The following PDE6A variants were observed in gnomAD, a reference collection of about 807,000 sequenced individuals.
The protein encoded by PDE6A is rod cGMP-specific 3',5'-cyclic phosphodiesterase subunit alpha.
Under a neutral mutation model 106.3 loss-of-function variants are expected in PDE6A, and 84 were observed. The observed-to-expected ratio is 0.79, with a 90% CI of 0.66 to 0.95. PDE6A has a LOEUF of 0.95. Ranked by LOEUF, PDE6A falls within the 40% of genes least tolerant of loss-of-function variation. The pLI is 0.00. For missense variants in PDE6A, 1,052 were observed against 1,084.9 expected, an observed-to-expected ratio of 0.97 and a Z score of 0.43; for synonymous variants, 394 against 386.6, an observed-to-expected ratio of 1.02 and a Z score of -0.23.
chr5:149,925,710 A>C (rs1356070827), intron 4 of PDE6A, among the ~76,000 whole-genome samples: 1 of 151,268 alleles, frequency 6.6e-6, no homozygotes, highest in Non-Finnish European at 1.5e-5. Flanking sequence ...CTGTCTCAAA[A>C]AAAAAAAAAA....
chr5:149,878,880 T>C (rs1760830951), intron 17 of PDE6A, among the ~76,000 whole-genome samples: 1 of 152,170 alleles, frequency 6.6e-6, no homozygotes, highest in African/African-American at 2.4e-5. Context: ...AATTAGCTCT[T>C]TTTCTCTTAG....
intron 4 of PDE6A, 114 bp from the exon 5 acceptor site, chr5:149,921,823 C>T (rs940630539): frequency 2.7e-5 from 22 of 818,406 alleles, no homozygotes; most frequent in African/African-American, 2.6e-4. Flanking sequence ...GTGAGAAGAA[C>T]TCAGTGAAAC....
intron 13 of PDE6A, among the ~76,000 whole-genome samples, chr5:149,888,999 C>T (rs1478091495): frequency 4.1e-5 from 6 of 146,124 alleles, no homozygotes; most frequent in South Asian, 4.3e-4. Context: ...AGGAGAATGG[C>T]GTGAACCCGG....
At chr5:149,878,820 A>G (rs186687526) in intron 17 of PDE6A, among the ~76,000 whole-genome samples, 40 of 152,200 alleles carry the variant, frequency 2.6e-4, no homozygotes, top group African/African-American at 7.9e-4. Context: ...CCCATTTTCT[A>G]TTGGATTAGT....
chr5:149,923,117 G>T (rs1753767561), intron 4 of PDE6A, among the ~76,000 whole-genome samples: 1 of 152,212 alleles, frequency 6.6e-6, no homozygotes, highest in African/African-American at 2.4e-5. Flanking sequence ...GTGCAGCAGA[G>T]CTCTTTGAAC....
In PDE6A at chr5:149,869,750, T is replaced by C. The variant is rs1390744237; in HGVS notation, c.2136-1592A>G. Reference sequence around the variant, plus strand: ...AAGAAAAGAGCAGGATGGAGGGGGATGGGGTGCTGCAGTAATTCAGCAGGA... The same window carrying C: ...AAGAAAAGAGCAGGATGGAGGGGGACGGGGTGCTGCAGTAATTCAGCAGGA... On this transcript the variant is annotated intron_variant, in intron 17 of 21. Coordinates refer to ENST00000255266, the MANE Select transcript of PDE6A (RefSeq NM_000440.3). 2.0e-5 allele frequency among the ~76,000 whole-genome samples: 3 copies of C among 151,976 alleles called. No homozygotes were observed. In the South Asian group the frequency reaches 6.2e-4, roughly 32 times the overall value.
At chr5:149,922,532 G>A (rs1753753416) in intron 4 of PDE6A, among the ~76,000 whole-genome samples, 3 of 151,850 alleles carry the variant, frequency 2.0e-5, no homozygotes, top group Admixed American at 1.3e-4. Flanking sequence ...GGCTAGTCTC[G>A]AACTCCAGAC....
At chr5:149,930,878 C>T in intron 4 of PDE6A, 150 bp downstream of exon 4, 1 of 764,828 alleles carries the variant, frequency 1.3e-6, no homozygotes, top group Non-Finnish European at 2.3e-6. Context: ...GCTGATACTC[C>T]TCAGTAGAGA....
At chr5:149,932,952 A>AGAG (rs2113659238) in intron 3 of PDE6A, among the ~76,000 whole-genome samples, 1 of 152,348 alleles carries the variant, frequency 6.6e-6, no homozygotes, top group South Asian at 2.1e-4. Context: ...AGTGGCCAGC[A>AGAG]GAGGGCCAGG....
At chr5:149,864,977 CGCCTGT>C (rs1561674613) in intron 20 of PDE6A, among the ~76,000 whole-genome samples, 1 of 152,180 alleles carries the variant, frequency 6.6e-6, no homozygotes, top group African/African-American at 2.4e-5. Context: ...CCATGGCTCA[CGCCTGT>C]AATCCCAGCA....
intron 17 of PDE6A, among the ~76,000 whole-genome samples, chr5:149,874,231 G>C (rs1026383608): frequency 6.6e-6 from 1 of 152,048 alleles, no homozygotes; most frequent in Non-Finnish European, 1.5e-5. Flanking sequence ...CAGGTTAAAG[G>C]GTTCAGTCCC....
intron 16 of PDE6A, 88 bp from the exon 17 acceptor site, chr5:149,883,624 C>A: frequency 1.1e-6 from 1 of 886,742 alleles, no homozygotes; most frequent in Non-Finnish European, 1.9e-6. Flanking sequence ...CAGATGGAGC[C>A]TTATTAAATC....
intron 5 of PDE6A, among the ~76,000 whole-genome samples, chr5:149,915,953 TCA>T (rs1753537858): frequency 6.6e-6 from 1 of 152,182 alleles, no homozygotes; most frequent in African/African-American, 2.4e-5. Context: ...ATGAACTTTC[TCA>T]GAGAGCAACA....
At chr5:149,929,686 T>G (rs1234470692) in intron 4 of PDE6A, among the ~76,000 whole-genome samples, 2 of 152,048 alleles carry the variant, frequency 1.3e-5, no homozygotes, top group African/African-American at 2.4e-5. Context: ...GGATTTCATA[T>G]ATATGAACCT....
intron 5 of PDE6A, 123 bp from the exon 6 acceptor site, chr5:149,915,130 G>A (rs765837644): frequency 1.8e-4 from 109 of 617,912 alleles, no homozygotes; most frequent in Middle Eastern, 4.6e-4. Context: ...CATCTCCTGC[G>A]TTCAAGCTAT....
chr5:149,935,225 G>T (rs1581212210), intron 1 of PDE6A, among the ~76,000 whole-genome samples: 1 of 151,636 alleles, frequency 6.6e-6, no homozygotes, highest in African/African-American at 2.4e-5. Flanking sequence ...ACTCAAGAAG[G>T]TTAATGTCAT....
chr5:149,930,950 T>A, intron 4 of PDE6A, 78 bp downstream of exon 4: 1 of 1,432,514 alleles, frequency 7.0e-7, no homozygotes, highest in South Asian at 1.1e-5. Flanking sequence ...TGCAATTGAA[T>A]GTGTGCCAAG....
intron 5 of PDE6A, among the ~76,000 whole-genome samples, chr5:149,918,739 G>A (rs990949064): frequency 6.6e-6 from 1 of 151,912 alleles, no homozygotes; most frequent in Non-Finnish European, 1.5e-5. Context: ...AGCCTCCCAA[G>A]TAACTGGTAA....
At chr5:149,933,047 C>T (rs999020953) in intron 3 of PDE6A, among the ~76,000 whole-genome samples, 2 of 152,212 alleles carry the variant, frequency 1.3e-5, no homozygotes, top group South Asian at 2.1e-4. Context: ...GGCTGGAGTA[C>T]AGTAGCACGA....
Sources: allele counts gnomAD v4.1 joint callset (sites outside exome capture counted in the v4.1 genomes callset), GRCh38; gene constraint gnomAD v4.1.1; transcripts MANE v1.5; gene names NCBI Gene and HGNC (gene_info 2026-07-23, HGNC 2026-07-21).